Variants in RHOBTB2 observed in about 807,000 individuals in gnomAD.
The protein encoded by RHOBTB2 is Rho related BTB domain containing 2, also known as rho-related BTB domain-containing protein 2.
Under a neutral mutation model 66.5 loss-of-function variants are expected in RHOBTB2, and 39 were observed. The ratio of observed to expected loss-of-function variants is 0.59; its 90% CI spans 0.45 to 0.77. The LOEUF (loss-of-function observed/expected upper bound fraction) is 0.77, where lower values mean the gene tolerates loss of function less well. Ranked by LOEUF, RHOBTB2 falls within the 30% of genes least tolerant of loss-of-function variation. The probability of loss-of-function intolerance (pLI) is 0.00; values close to 1 mark genes in which losing one functional copy is unlikely to be tolerated. For synonymous variants in RHOBTB2, 390 were observed against 395.0 expected (o/e 0.99, Z 0.15); for missense variants, 755 against 999.1 (o/e 0.76, Z 3.29).
chr8:22,956,712 A>T, the RHOBTB2 span, among the ~76,000 whole-genome samples: 3 of 152,172 alleles, frequency 2.0e-5, no homozygotes, highest in African/African-American at 7.2e-5. Context: ...CCCAAGCTGG[A>T]GTGCAATGGC....
In RHOBTB2 at chr8:23,007,503, T is replaced by G. The variant is rs1460386319; in HGVS notation, c.1258T>G (p.Ser420Ala). 2.5e-6 allele frequency: 4 copies of G among 1,613,968 alleles called. No individual in the cohort carries two copies. Among genetic ancestry groups the G allele is most frequent in the Non-Finnish European group, 3.4e-6 (4 of 1,179,960 alleles). Residue 420 changes from serine (S) to alanine (A), a missense_variant, in exon 5 of 10, where the codon TCC (serine) becomes GCC (alanine). Ser to Ala is a moderately conservative substitution (Grantham distance 99). This residue lies in a region of RHOBTB2 where 353 missense variants were observed against 458.2 expected (regional missense o/e 0.77). Transcript: ENST00000251822. ...GATGGTGGTGGTGAAGATGGACAGTTCCATCCAGCCGGGGCCCTTCCGGGC... is the reference window on the plus strand; with the variant it reads ...GATGGTGGTGGTGAAGATGGACAGTGCCATCCAGCCGGGGCCCTTCCGGGC... Reference protein sequence around the residue: ...RLMVVVKMDSSIQPGPFRAVL... With the variant: ...RLMVVVKMDSAIQPGPFRAVL...
At chr8:22,956,706 A>G in the RHOBTB2 span, among the ~76,000 whole-genome samples, 1 of 152,136 alleles carries the variant, frequency 6.6e-6, no homozygotes, top group African/African-American at 2.4e-5. Flanking sequence ...TTGTTGCCCA[A>G]GCTGGAGTGC....
At chr8:22,952,403 A>G in the RHOBTB2 span, among the ~76,000 whole-genome samples, 1 of 152,264 alleles carries the variant, frequency 6.6e-6, no homozygotes, top group Non-Finnish European at 1.5e-5. Flanking sequence ...AAAGTAAAGC[A>G]GTACCCTTAA....
the RHOBTB2 span, among the ~76,000 whole-genome samples, chr8:22,977,031 A>T: frequency 6.7e-6 from 1 of 148,660 alleles, no homozygotes; most frequent in Non-Finnish European, 1.5e-5. Flanking sequence ...GAGGTGGAAG[A>T]GTTGCTTGAC....
chr8:23,017,558 G>A lies in RHOBTB2; in HGVS notation c.*89G>A. 10 of 1,515,964 alleles carry A rather than the reference G, an allele frequency of 6.6e-6. No individual in the cohort carries two copies. Among genetic ancestry groups the A allele is most frequent in the Non-Finnish European group, 8.9e-6 (10 of 1,126,706 alleles). The allele number at this position is 1,515,964 out of a possible 1,614,324, so 93.9% of individuals were successfully genotyped here. A position where few individuals can be genotyped will look rare whatever the true frequency, so the allele number is the denominator to read the frequency against. ...TCCGCATCACCCCATCCACCTTACA[G>A]GGACCAGGGGGCCCACGTAACCAGG... is the stretch of plus-strand genomic sequence containing the variant. On this transcript the variant is annotated 3_prime_UTR_variant, in exon 10 of 10. Transcript: ENST00000251822. The surrounding 1 kb of genome is among the most constrained non-coding windows in gnomAD (Gnocchi z 5.3).
At chr8:22,985,451 A>G (rs938997774), upstream of RHOBTB2, among the ~76,000 whole-genome samples, 2 of 152,164 alleles carry the variant, frequency 1.3e-5, no homozygotes, top group African/African-American at 4.8e-5. Context: ...CCACATTCCA[A>G]TGCTTCAAAG....
chr8:22,964,572 T>C, the RHOBTB2 span, among the ~76,000 whole-genome samples: 4 of 152,124 alleles, frequency 2.6e-5, no homozygotes, highest in African/African-American at 7.2e-5. Flanking sequence ...GCCATCATGA[T>C]GCCATCTCTG....
upstream of RHOBTB2, among the ~76,000 whole-genome samples, chr8:22,982,462 A>G (rs1305559723): frequency 6.6e-6 from 1 of 152,150 alleles, no homozygotes; most frequent in Non-Finnish European, 1.5e-5. Context: ...TCTCTACTAA[A>G]AATGCAAAAA....
At chr8:23,005,912 A>G (rs748167660) in intron 3 of RHOBTB2, 48 bp from the exon 4 acceptor site, 1 of 1,563,502 alleles carries the variant, frequency 6.4e-7, no homozygotes, top group Admixed American at 1.7e-5. Context: ...AGGACCAGGT[A>G]AGCTACCACT....
At position 23,007,155 on chromosome 8, in the gene RHOBTB2, G is replaced by A. The variant is rs1216256889; in HGVS notation, c.910G>A (p.Glu304Lys). The A allele has an allele frequency of 1.1e-5, 17 of 1,606,258 alleles. No individual in the cohort carries two copies. The highest frequency in any genetic ancestry group is 1.7e-5 in the Admixed American group (1 of 59,914). ...GTTCCTCATGGACCTGAGTGAGGGG[G>A]AGCTGGGGGGCCCCTCGGAGCCAGG... is the stretch of plus-strand genomic sequence containing the variant. ...DLFLMDLSEG[E>K]LGGPSEPGGT... is the part of the protein sequence containing the mutation. Residue 304 changes from glutamate to lysine, a missense_variant, in exon 5 of 10, where the codon GAG becomes AAG. Glu to Lys is a moderately conservative substitution (Grantham distance 56). Around this residue, in one of 7 missense-constraint regions of RHOBTB2, gnomAD observed 247 missense variants for 238.9 expected, o/e 1.03. Transcript: ENST00000251822.
the RHOBTB2 span, among the ~76,000 whole-genome samples, chr8:22,957,668 G>A: frequency 6.6e-6 from 1 of 152,230 alleles, no homozygotes; most frequent in African/African-American, 2.4e-5. Flanking sequence ...GGCACAGGGG[G>A]AAGGTTTGCA....
At chr8:23,016,744 G>A (rs907051024) in intron 9 of RHOBTB2, among the ~76,000 whole-genome samples, 1 of 152,138 alleles carries the variant, frequency 6.6e-6, no homozygotes, top group Non-Finnish European at 1.5e-5. Context: ...AGGTCCAATA[G>A]CATCACTCCC....
intron 1 of RHOBTB2, among the ~76,000 whole-genome samples, chr8:23,002,935 T>C (rs1164150686): frequency 6.6e-6 from 1 of 152,224 alleles, no homozygotes; most frequent in African/African-American, 2.4e-5. Flanking sequence ...TACTTGGATA[T>C]TTCGGTCTGC....
At chr8:22,973,206 T>C in the RHOBTB2 span, among the ~76,000 whole-genome samples, 1 of 152,126 alleles carries the variant, frequency 6.6e-6, no homozygotes, top group Non-Finnish European at 1.5e-5. Context: ...ACCGCCTGCT[T>C]ATTTTTCTTT....
At chr8:22,970,453 T>C in the RHOBTB2 span, among the ~76,000 whole-genome samples, 1 of 152,112 alleles carries the variant, frequency 6.6e-6, no homozygotes, top group Non-Finnish European at 1.5e-5. Flanking sequence ...TTAAAAATAA[T>C]GTAAGCTGGG....
the RHOBTB2 span, among the ~76,000 whole-genome samples, chr8:22,968,366 T>A: frequency 1.3e-5 from 2 of 152,252 alleles, no homozygotes; most frequent in East Asian, 3.9e-4. Context: ...AAATCTTAAC[T>A]TTTTAAAAAA....
rs773780599 is a variant in RHOBTB2 at position 23,006,858 on chromosome 8, C to T, written c.613C>T (p.Arg205Ter). Residue 205 changes from arginine (R) to a stop codon, truncating the protein, a stop_gained, in exon 5 of 10, where the codon CGA becomes TGA. Transcript: ENST00000251822. LOFTEE classifies it high-confidence loss of function. This position sits in a 1 kb window ranked among gnomAD's most constrained non-coding sequence, Gnocchi z 6.1. ...GIKDVFDNAI[R>*]AALISRRHLQ... ...CAAGGACGTCTTTGACAACGCCATC[C>T]GAGCTGCACTCATCTCCCGCCGCCA... 1.4e-5 allele frequency: 22 copies of T among 1,614,014 alleles called. No individual in the cohort carries two copies. Among genetic ancestry groups the T allele is most frequent in the Non-Finnish European group, 1.7e-5 (20 of 1,180,016 alleles).
At chr8:22,972,671 C>A in the RHOBTB2 span, among the ~76,000 whole-genome samples, 2 of 152,208 alleles carry the variant, frequency 1.3e-5, no homozygotes, top group Non-Finnish European at 2.9e-5. Context: ...GAGCAGGCTG[C>A]GAAGATGTGG....
the RHOBTB2 span, among the ~76,000 whole-genome samples, chr8:22,971,813 T>C: frequency 6.6e-6 from 1 of 152,142 alleles, no homozygotes; most frequent in Admixed American, 6.5e-5. Flanking sequence ...TTCTGCAGGA[T>C]AACCTCCACT....
Sources: gnomAD v4.1 joint callset for allele counts (sites outside exome capture counted in the v4.1 genomes callset) on GRCh38, gnomAD v4.1.1 for gene constraint, gnomAD v4.1.1 regional missense constraint, Gnocchi (gnomAD v3.1) non-coding constraint, MANE v1.5 for transcripts, NCBI Gene and HGNC (gene_info 2026-07-23, HGNC 2026-07-21) for gene names.